The following GABRQ variants were observed in gnomAD, a reference collection of about 807,000 sequenced individuals.
The protein encoded by GABRQ is gamma-aminobutyric acid receptor subunit theta.
GABRQ carries 19 observed loss-of-function variants against 30.5 expected under a neutral mutation model. The observed-to-expected ratio is 0.62, with a 90% CI of 0.43 to 0.91. The LOEUF is 0.91. Among genes scored for constraint, GABRQ ranks in the 40% least tolerant of loss-of-function variants. The pLI is 0.00. For missense variants in GABRQ, 520 were observed against 521.4 expected, an observed-to-expected ratio of 1.00 and a Z score of 0.03; for synonymous variants, 187 against 210.2, an observed-to-expected ratio of 0.89 and a Z score of 0.95.
In GABRQ at chrX:152,645,507, T is replaced by G; in HGVS notation, c.239-20T>G. The G allele has an allele frequency of 3.0e-6, 3 of 992,933 alleles. No homozygotes were observed. Among genetic ancestry groups the G allele is most frequent in the Non-Finnish European group, 4.3e-6 (3 of 696,300 alleles). The allele number at this position is 992,933 out of a possible 1,213,427, so 81.8% of individuals were successfully genotyped here. ...ACCTTTATTCTACCTTTCGTGTAAC[T>G]GTGTCTTTCTGTCTTCTAGGTGCCC... On this transcript the variant is annotated intron_variant, in intron 2 of 8. Transcript: ENST00000598523.
Position 152,638,074 on chromosome X carries a change from C to T in GABRQ, c.-129C>T. On this transcript the variant is annotated 5_prime_UTR_variant, in exon 1 of 9. Coordinates refer to ENST00000598523, the MANE Select transcript of GABRQ (RefSeq NM_018558.4). Reference sequence around the variant, plus strand: ...GCCCTCGCTGCTCTCTCCTTAGAGGCGACTCTTTGGGGAAGGGCCAGCAAT... The same window carrying T: ...GCCCTCGCTGCTCTCTCCTTAGAGGTGACTCTTTGGGGAAGGGCCAGCAAT... The T allele has an allele frequency of 1.7e-6, 1 of 573,310 alleles. No homozygotes were observed. Among genetic ancestry groups the T allele is most frequent in the Non-Finnish European group, 2.7e-6 (1 of 367,757 alleles). 47.2% of individuals were successfully genotyped at this position (573,310 alleles called of 1,213,427 possible).
intron 3 of GABRQ, among the ~76,000 whole-genome samples, chrX:152,646,488 G>A (rs1183857510): frequency 8.9e-6 from 1 of 112,498 alleles, no homozygotes; most frequent in Non-Finnish European, 1.9e-5. Flanking sequence ...GTCCACCTGA[G>A]TGAATCTCAC....
At position 152,646,732 on chromosome X, in the gene GABRQ, A is replaced by G. The variant is rs782555941; in HGVS notation, c.307-216A>G. ...ACATTGGGGTTTGAAAGTTATTGGT[A>G]ATATTCTGTTTCTTAACCTGGATTC... is the stretch of plus-strand genomic sequence containing the variant. On this transcript the variant is annotated intron_variant, in intron 3 of 8. Transcript: ENST00000598523. 2.7e-5 allele frequency among the ~76,000 whole-genome samples: 3 copies of G among 111,979 alleles called. 1 individual carries two copies. In the South Asian group the frequency reaches 1.1e-3, roughly 42 times the overall value.
At chrX:152,642,088 G>T (rs1930772288) in intron 2 of GABRQ, among the ~76,000 whole-genome samples, 1 of 111,647 alleles carries the variant, frequency 9.0e-6, no homozygotes, top group African/African-American at 3.3e-5. Flanking sequence ...TGGATCCCTG[G>T]CTTGATTTAG....
At position 152,651,566 on chromosome X, in the gene GABRQ, T is replaced by C; in HGVS notation, c.942T>C (p.His314=). The stretch of plus-strand genomic sequence containing the variant: ...TCATCCTGACCACCATCGACTCACA[T>C]CTGCGGGATAAGCTCCCCAACATTT... ...SMLILTTIDS[H]LRDKLPNISC... Residue 314 remains histidine, a synonymous_variant, in exon 8 of 9, where the codon CAT becomes CAC. Coordinates refer to ENST00000598523, the MANE Select transcript of GABRQ (RefSeq NM_018558.4). 8.3e-7 allele frequency: 1 copy of C among 1,206,943 alleles called. No homozygotes were observed. The highest frequency in any genetic ancestry group is 1.1e-6 in the Non-Finnish European group (1 of 890,756).
rs782392385 is a variant in GABRQ, at chrX:152,653,512, C to T, written c.*231C>T. 24 of 351,941 alleles carry T rather than the reference C, an allele frequency of 6.8e-5. No homozygotes were observed. In the South Asian group the frequency reaches 1.9e-3, roughly 28 times the overall value. 29.0% of individuals were successfully genotyped at this position (351,941 alleles called of 1,213,427 possible). On this transcript the variant is annotated 3_prime_UTR_variant, in exon 9 of 9. Transcript: ENST00000598523. The stretch of plus-strand genomic sequence containing the variant: ...TGGAGGTATACAGCACATGGATTTC[C>T]TTTCCTGCTAGAAGACTCTCACCTT...
At chrX:152,651,376 G>A (rs1931015432) in intron 7 of GABRQ, 150 bp from the exon 8 acceptor site, 1 of 479,319 alleles carries the variant, frequency 2.1e-6, no homozygotes, top group Admixed American at 3.5e-5. Context: ...CGTGGGCTGA[G>A]TTTAAAGATG....
At chrX:152,650,731 A>G (rs1159593935) in intron 7 of GABRQ, 151 bp downstream of exon 7, 1 of 481,251 alleles carries the variant, frequency 2.1e-6, no homozygotes, top group Admixed American at 3.3e-5. Flanking sequence ...ACCTTTGTAC[A>G]GGTGCACAGC....
chrX:152,647,134 C>T lies in GABRQ; in HGVS notation c.493C>T (p.Leu165Phe). 8.3e-7 allele frequency: 1 copy of T among 1,209,954 alleles called. No individual in the cohort carries two copies. ...DVTVENRVFQ[L>F]HPDGTVRYGI... ...GACTGTGGAGAATCGCGTGTTTCAGCTTCACCCAGATGGAACGGTGCGGTA... is the reference window on the plus strand; with the variant it reads ...GACTGTGGAGAATCGCGTGTTTCAGTTTCACCCAGATGGAACGGTGCGGTA... Residue 165 changes from leucine to phenylalanine, a missense_variant, in exon 4 of 9, where the codon CTT (leucine) becomes TTT (phenylalanine). By Grantham distance (22) the Leu-to-Phe change is conservative. Coordinates refer to ENST00000598523, the MANE Select transcript of GABRQ (RefSeq NM_018558.4).
chrX:152,652,461 C>G, intron 8 of GABRQ, 80 bp from the exon 9 acceptor site: 3 of 815,353 alleles, frequency 3.7e-6, no homozygotes, highest in Non-Finnish European at 5.3e-6. Context: ...TGAGGGAAGT[C>G]CCTTCCCTCC....
chrX:152,640,306 G>A (rs1349925415), intron 1 of GABRQ, 72 bp from the exon 2 acceptor site: 2 of 613,970 alleles, frequency 3.3e-6, no homozygotes, highest in Non-Finnish European at 5.7e-6. Flanking sequence ...AGAAGAGAAG[G>A]CCCTAGCAAG....
chrX:152,650,308 G>C, intron 6 of GABRQ, 120 bp from the exon 7 acceptor site: 1 of 597,290 alleles, frequency 1.7e-6, no homozygotes, highest in Non-Finnish European at 2.7e-6. Context: ...GGATGCCTCT[G>C]GATGGAGTAT....
chrX:152,656,285 A>C lies in GABRQ; in HGVS notation c.*3004A>C, dbSNP rs1931148944. 1 of 106,054 alleles carries C rather than the reference A, an allele frequency of 9.4e-6. No individual in the cohort carries two copies. The highest frequency in any genetic ancestry group is 1.9e-5 in the Non-Finnish European group (1 of 51,538). 8.7% of individuals were successfully genotyped at this position (106,054 alleles called of 1,213,427 possible). A position where few individuals can be genotyped will look rare whatever the true frequency, so the allele number is the denominator to read the frequency against. The stretch of plus-strand genomic sequence containing the variant: ...CTGCCTCCATCCCATCCCTCTCCTC[A>C]CCTCACACCAGGTAACTCTGGAAGT... On this transcript the variant is annotated 3_prime_UTR_variant, in exon 9 of 9. Coordinates refer to ENST00000598523, the MANE Select transcript of GABRQ (RefSeq NM_018558.4).
rs782263960 is a variant in GABRQ, at chrX:152,657,535, G to C, written c.*4254G>C. 1 of 111,849 alleles carries C rather than the reference G, an allele frequency of 8.9e-6. No individual in the cohort carries two copies. The highest frequency in any genetic ancestry group is 2.8e-4 in the East Asian group (1 of 3,561). 9.2% of individuals were successfully genotyped at this position (111,849 alleles called of 1,213,427 possible). A position where few individuals can be genotyped will look rare whatever the true frequency, so the allele number is the denominator to read the frequency against. On this transcript the variant is annotated 3_prime_UTR_variant, in exon 9 of 9. Coordinates refer to ENST00000598523, the MANE Select transcript of GABRQ (RefSeq NM_018558.4). Reference sequence around the variant, plus strand: ...GAAAAATAAATAAATATAATAACAAGTACTCTACCAGGTCATCGTGTTTCC... The same window carrying C: ...GAAAAATAAATAAATATAATAACAACTACTCTACCAGGTCATCGTGTTTCC...
intron 2 of GABRQ, among the ~76,000 whole-genome samples, chrX:152,643,706 G>A (rs1930811721): frequency 8.9e-6 from 1 of 111,999 alleles, no homozygotes; most frequent in African/African-American, 3.3e-5. Flanking sequence ...TTCACACACT[G>A]TCACACTCAC....
At chrX:152,646,341 G>A (rs1040186269) in intron 3 of GABRQ, among the ~76,000 whole-genome samples, 1 of 112,015 alleles carries the variant, frequency 8.9e-6, no homozygotes, top group Non-Finnish European at 1.9e-5. Flanking sequence ...CTTGGCTTTC[G>A]GCAGGGATAT....
chrX:152,643,745 G>A (rs933624596), intron 2 of GABRQ, among the ~76,000 whole-genome samples: 1 of 111,098 alleles, frequency 9.0e-6, no homozygotes. Context: ...ACCCTCTCCT[G>A]TGCACTCACC....
intron 4 of GABRQ, 29 bp from the exon 5 acceptor site, chrX:152,649,222 T>G: frequency 7.0e-6 from 7 of 1,005,967 alleles, no homozygotes; most frequent in African/African-American, 1.9e-5. Flanking sequence ...TTCACTCACT[T>G]TCTCCTTCCT....
At chrX:152,649,475 C>T (rs782232543) in intron 5 of GABRQ, 142 bp downstream of exon 5, 55 of 480,208 alleles carry the variant, frequency 1.1e-4, no homozygotes, top group African/African-American at 5.2e-4. Flanking sequence ...AATAAATAGA[C>T]GATAGAGGAT....
Sources: gnomAD v4.1 joint callset for allele counts (sites outside exome capture counted in the v4.1 genomes callset) on GRCh38, gnomAD v4.1.1 for gene constraint, MANE v1.5 for transcripts, NCBI Gene and HGNC (gene_info 2026-07-23, HGNC 2026-07-21) for gene names.